The following TMEM144 variants were observed in gnomAD, a reference collection of about 807,000 sequenced individuals.
TMEM144 encodes transmembrane protein 144.
In TMEM144, 39 loss-of-function variants were observed where a neutral mutation model predicts 43.6. The ratio of observed to expected loss-of-function variants is 0.90; its 90% CI spans 0.69 to 1.17. TMEM144 has a LOEUF of 1.17. Ranked by LOEUF, TMEM144 falls within the 50% of genes most tolerant of loss-of-function variation. TMEM144 has a pLI of 0.00. For synonymous variants in TMEM144, 154 were observed against 133.6 expected (o/e 1.15, Z -1.06); for missense variants, 417 against 411.9 (o/e 1.01, Z -0.11).
chr4:158,215,421 G>T, intron 4 of TMEM144, 108 bp downstream of exon 4: 1 of 1,315,658 alleles, frequency 7.6e-7, no homozygotes, highest in Non-Finnish European at 1.0e-6. Context: ...ATAACCCTTA[G>T]TCATAGATAC....
At chr4:158,240,453 G>A in intron 10 of TMEM144, 35 bp downstream of exon 10, 1 of 1,566,312 alleles carries the variant, frequency 6.4e-7, no homozygotes, top group Non-Finnish European at 8.6e-7. Flanking sequence ...CTTACTATAT[G>A]AAAGTGTCAT....
intron 2 of TMEM144, chr4:158,212,195 T>C (rs940303197): frequency 6.6e-6 from 1 of 152,280 alleles, no homozygotes; most frequent in Non-Finnish European, 1.5e-5. Context: ...AAAATCTGAA[T>C]TGTATTCAGT....
intron 6 of TMEM144, among the ~76,000 whole-genome samples, chr4:158,227,052 T>G (rs1448516726): frequency 1.3e-5 from 2 of 152,156 alleles, no homozygotes; most frequent in Non-Finnish European, 2.9e-5. Flanking sequence ...CCTTGTAAGT[T>G]TGGGATTTTA....
intron 7 of TMEM144, 48 bp downstream of exon 7, chr4:158,233,030 T>C: frequency 7.3e-7 from 1 of 1,373,262 alleles, no homozygotes; most frequent in Non-Finnish European, 1.0e-6. Flanking sequence ...AAAATTAAGA[T>C]AAATGGATAA....
At chr4:158,216,159 G>C (rs1181962602) in intron 4 of TMEM144, among the ~76,000 whole-genome samples, 1 of 152,144 alleles carries the variant, frequency 6.6e-6, no homozygotes, top group East Asian at 1.9e-4. Flanking sequence ...CTAACAGGGG[G>C]AGAGGAACAG....
chr4:158,224,893 A>G (rs900743076), intron 6 of TMEM144, among the ~76,000 whole-genome samples: 2 of 152,148 alleles, frequency 1.3e-5, no homozygotes, highest in Non-Finnish European at 2.9e-5. Context: ...GGTTGGGCCT[A>G]TTAGAATAAA....
At chr4:158,216,336 G>T (rs1388892331) in intron 4 of TMEM144, among the ~76,000 whole-genome samples, 1 of 152,172 alleles carries the variant, frequency 6.6e-6, no homozygotes, top group Non-Finnish European at 1.5e-5. Flanking sequence ...TAGCAGAATG[G>T]GAGGAGCCAA....
At chr4:158,238,686 C>T (rs964667456) in intron 9 of TMEM144, among the ~76,000 whole-genome samples, 1 of 152,116 alleles carries the variant, frequency 6.6e-6, no homozygotes, top group African/African-American at 2.4e-5. Flanking sequence ...AGAAAGGAGG[C>T]ATAAATTTGG....
At chr4:158,232,868 G>A (rs1735149900) in intron 6 of TMEM144, 33 bp from the exon 7 acceptor site, 5 of 1,473,784 alleles carry the variant, frequency 3.4e-6, no homozygotes, top group Non-Finnish European at 4.7e-6. Flanking sequence ...CCAGTATTAT[G>A]ATAAATATCA....
intron 10 of TMEM144, among the ~76,000 whole-genome samples, chr4:158,241,273 A>G (rs1735623166): frequency 6.6e-6 from 1 of 152,040 alleles, no homozygotes; most frequent in Non-Finnish European, 1.5e-5. Context: ...TTTTACTACT[A>G]TGGGTACTTT....
At chr4:158,212,515 C>A (rs1039045111) in intron 2 of TMEM144, 93 bp from the exon 3 acceptor site, 2 of 549,540 alleles carry the variant, frequency 3.6e-6, no homozygotes, top group Non-Finnish European at 6.4e-6. Flanking sequence ...GGAGTCTTAG[C>A]GTGCTTTTGA....
At chr4:158,253,367 G>T in intron 12 of TMEM144, 77 bp from the exon 13 acceptor site, 1 of 1,268,852 alleles carries the variant, frequency 7.9e-7, no homozygotes. Context: ...TAGGTCCCTA[G>T]CAATCTTGAG....
intron 10 of TMEM144, 73 bp from the exon 11 acceptor site, chr4:158,241,436 C>A: frequency 9.0e-7 from 1 of 1,108,744 alleles, no homozygotes; most frequent in Middle Eastern, 2.0e-4. Context: ...CTTTGATATT[C>A]CTGTTGTAGC....
At chr4:158,225,215 GT>G (rs145295502) in intron 6 of TMEM144, among the ~76,000 whole-genome samples, 7 of 151,998 alleles carry the variant, frequency 4.6e-5, no homozygotes, top group African/African-American at 1.4e-4. Context: ...CTGTCTAGTT[GT>G]TTTTTTTAGA....
intron 7 of TMEM144, chr4:158,234,868 A>G (rs1041410033): frequency 6.6e-6 from 1 of 152,604 alleles, no homozygotes; most frequent in African/African-American, 2.4e-5. Flanking sequence ...TTTTCATTTA[A>G]TGTCTTTGGA....
At chr4:158,242,292 G>T (rs930153904) in intron 11 of TMEM144, among the ~76,000 whole-genome samples, 8 of 152,180 alleles carry the variant, frequency 5.3e-5, no homozygotes, top group African/African-American at 1.7e-4. Context: ...ATTGGTGAGG[G>T]AGTAGGTCCC....
rs146336937 is a variant in TMEM144 at position 158,238,124 on chromosome 4, A to C, written c.682+481A>C. On this transcript the variant is annotated intron_variant, in intron 9 of 12. Transcript: ENST00000296529. ...TATCTCAGTTTCCATTGACAGAATT[A>C]ATCTCCCAAGAGTAAACTCAATACT... is the stretch of plus-strand genomic sequence containing the variant. Among the ~76,000 whole-genome samples, 721 of 152,306 alleles carry C rather than the reference A, an allele frequency of 4.7e-3. 18 individuals are homozygous for C. Among genetic ancestry groups the C allele is most frequent in the Admixed American group, 0.041 (630 of 15,298 alleles).
intron 6 of TMEM144, among the ~76,000 whole-genome samples, chr4:158,226,325 C>T (rs1734765654): frequency 6.6e-6 from 1 of 152,108 alleles, no homozygotes; most frequent in Non-Finnish European, 1.5e-5. Context: ...ATTTTATAGA[C>T]TCTTTTTAAT....
intron 9 of TMEM144, 85 bp downstream of exon 9, chr4:158,237,728 G>A: frequency 1.1e-6 from 1 of 930,994 alleles, no homozygotes; most frequent in Non-Finnish European, 1.6e-6. Context: ...ATATTGATGG[G>A]TCGATTCGAT....
Sources: allele counts gnomAD v4.1 joint callset (sites outside exome capture counted in the v4.1 genomes callset), GRCh38; gene constraint gnomAD v4.1.1; transcripts MANE v1.5; gene names NCBI Gene and HGNC (gene_info 2026-07-23, HGNC 2026-07-21).